Variants in RIMS1 observed in about 807,000 individuals in gnomAD.
RIMS1 encodes the protein regulating synaptic membrane exocytosis protein 1.
RIMS1 carries 83 observed loss-of-function variants against 214.1 expected under a neutral mutation model. The ratio of observed to expected loss-of-function variants is 0.39; its 90% CI spans 0.32 to 0.47. RIMS1 has a LOEUF of 0.47. RIMS1 is among the 20% of genes least tolerant of loss of function. The pLI is 0.99. For synonymous variants in RIMS1, 793 were observed against 786.8 expected (o/e 1.01, Z -0.13); for missense variants, 2,050 against 2,161.8 (o/e 0.95, Z 1.03).
chr6:72,105,441 A>G (rs7770531), intron 4 of RIMS1, among the ~76,000 whole-genome samples: 5,322 of 152,190 alleles, frequency 0.035, 336 homozygotes, highest in African/African-American at 0.12. Flanking sequence ...GCATTTCATC[A>G]CTAAGCTTAC....
At chr6:72,142,753 G>T (rs1410892879) in intron 4 of RIMS1, among the ~76,000 whole-genome samples, 1 of 152,072 alleles carries the variant, frequency 6.6e-6, no homozygotes, top group East Asian at 1.9e-4. Flanking sequence ...ATGCTAGCAG[G>T]TGTGAAATAA....
chr6:72,266,851 G>A (rs1379866223), intron 22 of RIMS1, among the ~76,000 whole-genome samples: 1 of 151,998 alleles, frequency 6.6e-6, no homozygotes, highest in Non-Finnish European at 1.5e-5. Flanking sequence ...AAGTCATTCA[G>A]AAGACATTTG....
chr6:71,948,718 A>G (rs1178735665), intron 1 of RIMS1, among the ~76,000 whole-genome samples: 1 of 152,164 alleles, frequency 6.6e-6, no homozygotes, highest in African/African-American at 2.4e-5. Flanking sequence ...TCATTGATGG[A>G]GAGGATAATA....
At chr6:72,196,079 A>G (rs1398464521) in intron 6 of RIMS1, among the ~76,000 whole-genome samples, 1 of 152,022 alleles carries the variant, frequency 6.6e-6, no homozygotes, top group Non-Finnish European at 1.5e-5. Flanking sequence ...TCAAGATGAG[A>G]TTTGGGTGGG....
At chr6:71,953,953 TTAGA>T (rs1277519085) in intron 1 of RIMS1, among the ~76,000 whole-genome samples, 1 of 152,192 alleles carries the variant, frequency 6.6e-6, no homozygotes, top group Non-Finnish European at 1.5e-5. Context: ...ATCTATGCCT[TTAGA>T]AGAGTTAAAC....
chr6:72,315,517 T>C (rs1270517515), intron 28 of RIMS1, among the ~76,000 whole-genome samples: 1 of 152,226 alleles, frequency 6.6e-6, no homozygotes, highest in Non-Finnish European at 1.5e-5. Context: ...TGTAATCTCA[T>C]ACTGTATGTC....
intron 1 of RIMS1, among the ~76,000 whole-genome samples, chr6:71,965,607 G>T (rs1201383937): frequency 6.6e-6 from 1 of 152,128 alleles, no homozygotes; most frequent in Non-Finnish European, 1.5e-5. Flanking sequence ...ACCCAGCAGC[G>T]CTGAGGGCGG....
intron 2 of RIMS1, among the ~76,000 whole-genome samples, chr6:72,091,745 A>G (rs1217290575): frequency 6.6e-6 from 1 of 152,188 alleles, no homozygotes; most frequent in South Asian, 2.1e-4. Flanking sequence ...TTTCAATATC[A>G]ATGCTTTTCT....
At chr6:72,016,904 A>G (rs1488472860) in intron 2 of RIMS1, among the ~76,000 whole-genome samples, 1 of 152,224 alleles carries the variant, frequency 6.6e-6, no homozygotes, top group East Asian at 1.9e-4. Context: ...TACCATTGAC[A>G]TGGGACCCTG....
intron 9 of RIMS1, among the ~76,000 whole-genome samples, 158 bp downstream of exon 9, chr6:72,238,080 A>T (rs1056295304): frequency 3.3e-5 from 5 of 152,036 alleles, no homozygotes; most frequent in Admixed American, 2.0e-4. Flanking sequence ...ACGAATAAAG[A>T]CTTATTTCCT....
At chr6:72,265,355 T>G (rs369238991) in intron 20 of RIMS1, 35 bp from the exon 21 acceptor site, 118 of 1,131,060 alleles carry the variant, frequency 1.0e-4, no homozygotes, top group Admixed American at 4.9e-4. Flanking sequence ...TATAATTTAT[T>G]TTATTTTATT....
In RIMS1 at chr6:72,251,004, A is replaced by C; in HGVS notation, c.2456A>C (p.His819Pro). Residue 819 changes from histidine to proline, a missense_variant, in exon 14 of 34, where the codon CAT becomes CCT. Around this residue, in one of 6 missense-constraint regions of RIMS1, gnomAD observed 889 missense variants for 885.5 expected, o/e 1.00. Transcript: ENST00000521978. Reference protein sequence around the residue: ...WNQTFVYSHVHRRDFRERMLE... With the variant: ...WNQTFVYSHVPRRDFRERMLE... Reference sequence around the variant, plus strand: ...CAAACTTTTGTCTATTCACATGTACATCGTAGAGATTTTAGAGAACGAATG... The same window carrying C: ...CAAACTTTTGTCTATTCACATGTACCTCGTAGAGATTTTAGAGAACGAATG... 1 of 1,566,788 alleles carries C rather than the reference A, an allele frequency of 6.4e-7. No homozygotes were observed. The highest frequency in any genetic ancestry group is 8.7e-7 in the Non-Finnish European group (1 of 1,154,636).
intron 29 of RIMS1, among the ~76,000 whole-genome samples, chr6:72,383,230 G>T (rs1370343293): frequency 1.3e-5 from 2 of 152,050 alleles, no homozygotes; most frequent in Non-Finnish European, 2.9e-5. Flanking sequence ...TAAACCCACT[G>T]CACAGCACTT....
Position 72,192,252 on chromosome 6 carries a change from A to G in RIMS1, c.1678+9103A>G, listed in dbSNP as rs116773949. On this transcript the variant is annotated intron_variant, in intron 6 of 33. Transcript: ENST00000521978. ...TGACATGCTGTGTTCCCTGGAATCA[A>G]TGTCAGCTCAGAGCCAGTGTCTGGT... Among the ~76,000 whole-genome samples, 997 of 152,308 alleles carry G rather than the reference A, an allele frequency of 6.5e-3. 8 individuals are homozygous for G. The highest frequency in any genetic ancestry group is 0.021 in the African/African-American group (893 of 41,560).
intron 4 of RIMS1, among the ~76,000 whole-genome samples, chr6:72,168,884 ATGTC>A (rs1244956562): frequency 6.6e-6 from 1 of 152,050 alleles, no homozygotes; most frequent in African/African-American, 2.4e-5. Context: ...TGCCCTGCTC[ATGTC>A]TGTCTACTGT....
chr6:72,172,555 C>G (rs1250966539), intron 4 of RIMS1, among the ~76,000 whole-genome samples: 1 of 152,068 alleles, frequency 6.6e-6, no homozygotes, highest in Non-Finnish European at 1.5e-5. Flanking sequence ...TCCTTCCACC[C>G]AAAATCTCTA....
intron 4 of RIMS1, among the ~76,000 whole-genome samples, chr6:72,155,290 C>A (rs188901944): frequency 7.1e-6 from 1 of 139,878 alleles, no homozygotes; most frequent in Non-Finnish European, 1.6e-5. Flanking sequence ...CTTATAAAAT[C>A]GAACGTCTTT....
intron 1 of RIMS1, among the ~76,000 whole-genome samples, chr6:71,926,710 C>T (rs76264676): frequency 0.11 from 16,988 of 152,176 alleles, 1,216 homozygotes; most frequent in Non-Finnish European, 0.16. Flanking sequence ...GCAGCCCAAA[C>T]ACTTCTAAGT....
chr6:72,096,084 G>A (rs2031539718), intron 2 of RIMS1, among the ~76,000 whole-genome samples: 2 of 152,188 alleles, frequency 1.3e-5, no homozygotes, highest in Non-Finnish European at 2.9e-5. Context: ...GATGGGAGGA[G>A]ACTTTAATCA....
Sources: allele counts gnomAD v4.1 joint callset (sites outside exome capture counted in the v4.1 genomes callset), GRCh38; gene constraint gnomAD v4.1.1; regional missense constraint gnomAD v4.1.1; transcripts MANE v1.5; gene names NCBI Gene and HGNC (gene_info 2026-07-23, HGNC 2026-07-21).